Variants in BCAS3 observed in about 807,000 individuals in gnomAD.
BCAS3 encodes BCAS4/BCAS3 fusion.
BCAS3 carries 53 observed loss-of-function variants against 116.1 expected under a neutral mutation model. The observed-to-expected ratio is 0.46, with a 90% CI of 0.37 to 0.57. BCAS3 has a LOEUF of 0.57. Among genes scored for constraint, BCAS3 ranks in the 20% least tolerant of loss-of-function variants. BCAS3 has a pLI of 0.00. For missense variants in BCAS3, 917 were observed against 1,165.4 expected, an observed-to-expected ratio of 0.79 and a Z score of 3.10; for synonymous variants, 391 against 408.2, an observed-to-expected ratio of 0.96 and a Z score of 0.51.
intron 19 of BCAS3, among the ~76,000 whole-genome samples, chr17:61,045,967 T>TATATATATAA (rs2068149121): frequency 1.1e-4 from 1 of 9,226 alleles, no homozygotes; most frequent in African/African-American, 1.5e-3. Flanking sequence ...ATATATATAA[T>TATATATATAA]ATATATATAT....
At position 60,962,783 on chromosome 17, in the gene BCAS3, G is replaced by A. The variant is rs2061472208; in HGVS notation, c.1221+15431G>A. Among the ~76,000 whole-genome samples, 1 of 152,166 alleles carries A rather than the reference G, an allele frequency of 6.6e-6. No individual in the cohort carries two copies. The highest frequency in any genetic ancestry group is 2.4e-5 in the African/African-American group (1 of 41,448). On this transcript the variant is annotated intron_variant, in intron 14 of 23. Coordinates refer to ENST00000407086, the MANE Select transcript of BCAS3 (RefSeq NM_017679.5). The surrounding 1 kb of genome is among the most constrained non-coding windows in gnomAD (Gnocchi z 4.4). Reference sequence around the variant, plus strand: ...TGTCTATTTTGCTTTGGTTGTCTAGGTTTTGAGGTCTTACACAAAAAGGCT... The same window carrying A: ...TGTCTATTTTGCTTTGGTTGTCTAGATTTTGAGGTCTTACACAAAAAGGCT...
At chr17:60,697,792 T>C (rs2035801463) in intron 4 of BCAS3, among the ~76,000 whole-genome samples, 1 of 151,958 alleles carries the variant, frequency 6.6e-6, no homozygotes, top group Admixed American at 6.6e-5. Context: ...GGGAGGACAT[T>C]GTAGTTGGCT....
chr17:60,716,082 C>T (rs549683749), intron 5 of BCAS3, among the ~76,000 whole-genome samples: 4 of 151,218 alleles, frequency 2.6e-5, no homozygotes, highest in African/African-American at 4.9e-5. Context: ...AAGCTGGTCT[C>T]GAGCTCCTGA....
Position 61,325,481 on chromosome 17 carries a change from T to A in BCAS3, c.2426-42846T>A, listed in dbSNP as rs543104697. 2.0e-5 allele frequency among the ~76,000 whole-genome samples: 3 copies of A among 152,284 alleles called. No homozygotes were observed. The East Asian group carries it at 5.8e-4, about 29-fold the overall frequency. On this transcript the variant is annotated intron_variant, in intron 22 of 23. Coordinates refer to ENST00000407086, the MANE Select transcript of BCAS3 (RefSeq NM_017679.5). This position sits in a 1 kb window ranked among gnomAD's most constrained non-coding sequence, Gnocchi z 6.4. ...TTCCTGGGAAGACCTGCACTGGCTC[T>A]CCCTGAGGGCTTTCCATACCAATTC...
In BCAS3 at chr17:61,205,261, T is replaced by G. The variant is rs932944278; in HGVS notation, c.2425+120697T>G. On this transcript the variant is annotated intron_variant, in intron 22 of 23. Transcript: ENST00000407086. The surrounding 1 kb of genome is among the most constrained non-coding windows in gnomAD (Gnocchi z 5.2). ...TCCTAAATTGGATACAGCCAGAGAA[T>G]AGTTTACTGATAAAATATGTTTTAG... is the stretch of plus-strand genomic sequence containing the variant. Among the ~76,000 whole-genome samples, 2 of 152,228 alleles carry G rather than the reference T, an allele frequency of 1.3e-5. No homozygotes were observed. Among genetic ancestry groups the G allele is most frequent in the African/African-American group, 4.8e-5 (2 of 41,458 alleles).
chr17:60,806,906 G>A (rs2048333989), intron 6 of BCAS3, among the ~76,000 whole-genome samples: 1 of 151,950 alleles, frequency 6.6e-6, no homozygotes, highest in African/African-American at 2.4e-5. Flanking sequence ...TATTGGTTTT[G>A]TATCCTGTAA....
intron 9 of BCAS3, among the ~76,000 whole-genome samples, chr17:60,884,924 A>G (rs1190398789): frequency 2.6e-5 from 3 of 115,160 alleles, no homozygotes; most frequent in East Asian, 4.5e-4. Context: ...TATTCTGTTG[A>G]TTTGGGGTGG....
rs1898464603 is a variant in BCAS3, at chr17:61,265,615, TC to T, written c.2426-102711del. ...TTGACTTTACGTAAGGATTGCCAAT[TC>T]ATGCCCAAACTTAGTGAAGCAAGCT... On this transcript the variant is annotated intron_variant, in intron 22 of 23. Transcript: ENST00000407086. This position sits in a 1 kb window ranked among gnomAD's most constrained non-coding sequence, Gnocchi z 4.3. Among the ~76,000 whole-genome samples, 1 of 152,216 alleles carries T rather than the reference TC, an allele frequency of 6.6e-6. No individual in the cohort carries two copies. Among genetic ancestry groups the T allele is most frequent in the South Asian group, 2.1e-4 (1 of 4,828 alleles).
At chr17:60,837,956 A>G (rs2051520886) in intron 7 of BCAS3, among the ~76,000 whole-genome samples, 1 of 152,168 alleles carries the variant, frequency 6.6e-6, no homozygotes, top group African/African-American at 2.4e-5. Context: ...TGGCCACACA[A>G]TACTTTTTAA....
chr17:61,148,719 C>T (rs542442552), intron 22 of BCAS3, among the ~76,000 whole-genome samples: 103 of 152,318 alleles, frequency 6.8e-4, no homozygotes, highest in African/African-American at 2.3e-3. Context: ...CTCAACACAG[C>T]TAATACAGAG....
At chr17:60,872,561 C>A (rs1038726973) in intron 8 of BCAS3, among the ~76,000 whole-genome samples, 2 of 147,204 alleles carry the variant, frequency 1.4e-5, no homozygotes, top group African/African-American at 2.5e-5. Context: ...ATACACACAC[C>A]CCCATATATA....
At chr17:60,727,016 TCTTTAACAG>T (rs1384733678) in intron 5 of BCAS3, 1 of 232,860 alleles carries the variant, frequency 4.3e-6, no homozygotes, top group Admixed American at 5.2e-5. Flanking sequence ...TAGGTCAAGT[TCTTTAACAG>T]ATACCTTTTA....
At chr17:60,805,321 G>A (rs1462179111) in intron 6 of BCAS3, among the ~76,000 whole-genome samples, 7 of 151,714 alleles carry the variant, frequency 4.6e-5, no homozygotes, top group Middle Eastern at 3.2e-3. Flanking sequence ...CAGTTTATTG[G>A]TTAACATTCC....
chr17:60,917,479 A>G (rs973874694), intron 12 of BCAS3, among the ~76,000 whole-genome samples: 4 of 152,218 alleles, frequency 2.6e-5, no homozygotes, highest in African/African-American at 4.8e-5. Context: ...GTCGTAACAT[A>G]TATCAGAATT....
chr17:60,893,225 G>A (rs140879140), intron 10 of BCAS3, among the ~76,000 whole-genome samples: 338 of 152,120 alleles, frequency 2.2e-3, no homozygotes, highest in African/African-American at 7.9e-3. Flanking sequence ...TTCTTTTGCT[G>A]TGCAGGAACT....
intron 22 of BCAS3, among the ~76,000 whole-genome samples, chr17:61,167,281 G>A (rs547171972): frequency 2.6e-5 from 4 of 152,270 alleles, no homozygotes; most frequent in African/African-American, 9.6e-5. Flanking sequence ...AATGCTTATC[G>A]TAATATTAGA....
rs538160023 is a variant in BCAS3 at position 61,196,534 on chromosome 17, T to G, written c.2425+111970T>G. ...ACCCCAACCCAACAGCTGGGAAGGGTTGGAAGTAGCCCCAAGGCTGGTTAG... is the reference window on the plus strand; with the variant it reads ...ACCCCAACCCAACAGCTGGGAAGGGGTGGAAGTAGCCCCAAGGCTGGTTAG... On this transcript the variant is annotated intron_variant, in intron 22 of 23. Coordinates refer to ENST00000407086, the MANE Select transcript of BCAS3 (RefSeq NM_017679.5). This position sits in a 1 kb window ranked among gnomAD's most constrained non-coding sequence, Gnocchi z 4.7. Among the ~76,000 whole-genome samples the G allele has an allele frequency of 6.6e-6, 1 of 152,196 alleles. No homozygotes were observed. Among genetic ancestry groups the G allele is most frequent in the Admixed American group, 6.5e-5 (1 of 15,290 alleles).
At position 61,342,242 on chromosome 17, in the gene BCAS3, C is replaced by T. The variant is rs1048848853; in HGVS notation, c.2426-26085C>T. Among the ~76,000 whole-genome samples, 9 of 152,326 alleles carry T rather than the reference C, an allele frequency of 5.9e-5. No homozygotes were observed. The South Asian group carries it at 1.2e-3, about 21-fold the overall frequency. ...GAAGCTACTCTGGCACCATACACAA[C>T]GGTGCACAATTGAAGGGCTTGTTCT... On this transcript the variant is annotated intron_variant, in intron 22 of 23. Coordinates refer to ENST00000407086, the MANE Select transcript of BCAS3 (RefSeq NM_017679.5).
intron 7 of BCAS3, among the ~76,000 whole-genome samples, chr17:60,865,225 G>A (rs577685675): frequency 3.5e-4 from 54 of 152,114 alleles, no homozygotes; most frequent in African/African-American, 1.3e-3. Flanking sequence ...TATCTGTAAA[G>A]CACAGTAAAG....
Sources: allele counts gnomAD v4.1 joint callset (sites outside exome capture counted in the v4.1 genomes callset), GRCh38; gene constraint gnomAD v4.1.1; non-coding constraint Gnocchi (gnomAD v3.1); transcripts MANE v1.5; gene names NCBI Gene and HGNC (gene_info 2026-07-23, HGNC 2026-07-21).